Variants in SHOC2 observed in about 807,000 individuals in gnomAD.
The protein encoded by SHOC2 is SHOC2 leucine rich repeat scaffold protein.
A neutral mutation model predicts 50.2 loss-of-function variants in SHOC2; 4 were observed. The observed-to-expected ratio is 0.08, with a 90% CI of 0.04 to 0.18. The LOEUF (loss-of-function observed/expected upper bound fraction) is 0.18, where lower values mean the gene tolerates loss of function less well. Ranked by LOEUF, SHOC2 falls within the 10% of genes least tolerant of loss-of-function variation. The probability of loss-of-function intolerance (pLI) is 1.00; values close to 1 mark genes in which losing one functional copy is unlikely to be tolerated. For missense variants in SHOC2, 388 were observed against 669.6 expected, an observed-to-expected ratio of 0.58 and a Z score of 4.64; for synonymous variants, 218 against 244.5, an observed-to-expected ratio of 0.89 and a Z score of 1.01.
At chr10:110,923,796 A>G (rs936472919) in intron 1 of SHOC2, among the ~76,000 whole-genome samples, 5 of 152,326 alleles carry the variant, frequency 3.3e-5, no homozygotes, top group Admixed American at 3.3e-4. Flanking sequence ...TTATTTGTGC[A>G]TGACTATCTT....
In SHOC2 at chr10:110,967,058, ACAT is replaced by A. The variant is rs533438045; in HGVS notation, c.703+2001_703+2003del. 7.6e-4 allele frequency among the ~76,000 whole-genome samples: 116 copies of A among 152,300 alleles called. 2 individuals are homozygous for A. In the East Asian group the frequency reaches 0.021, roughly 28 times the overall value. The stretch of plus-strand genomic sequence containing the variant: ...AAGAAAATAAAGGTTAGTAAAAATA[ACAT>A]CATAATAATAAGGATGGCTGTTGTT... On this transcript the variant is annotated intron_variant, in intron 2 of 8. Transcript: ENST00000369452.
intron 1 of SHOC2, among the ~76,000 whole-genome samples, chr10:110,936,071 A>T (rs1564703644): frequency 1.3e-5 from 2 of 149,884 alleles, no homozygotes; most frequent in South Asian, 4.2e-4. Context: ...TAAATTCTTG[A>T]GTACTCTAGA....
chr10:110,938,313 A>G (rs897666294), intron 1 of SHOC2, among the ~76,000 whole-genome samples: 74 of 152,174 alleles, frequency 4.9e-4, no homozygotes, highest in African/African-American at 1.7e-3. Flanking sequence ...GACTGACTGT[A>G]TATTTCTTAG....
intron 1 of SHOC2, among the ~76,000 whole-genome samples, chr10:110,949,302 C>T (rs1464517244): frequency 1.3e-5 from 2 of 152,050 alleles, no homozygotes. Flanking sequence ...TAATAAGAGA[C>T]TACAATGAAT....
rs772553111 is a variant in SHOC2 at position 110,930,735 on chromosome 10, C to CTTTTTTTTTTTTTTTTTTTTTTT, written c.-235+11093_-235+11094insTTTTTTTTTTTTTTTTTTTTTTT. ...TTTAAGCAAATATTCACGAGTAAAT[C>CTTTTTTTTTTTTTTTTTTTTTTT]TTTTTTTTTTTTTTTGGTAGTGTTT... On this transcript the variant is annotated intron_variant, in intron 1 of 8. Transcript: ENST00000369452. Among the ~76,000 whole-genome samples the CTTTTTTTTTTTTTTTTTTTTTTT allele has an allele frequency of 1.1e-4, 11 of 96,796 alleles. 1 individual carries two copies. Among genetic ancestry groups the CTTTTTTTTTTTTTTTTTTTTTTT allele is most frequent in the Middle Eastern group, 6.8e-3 (1 of 148 alleles). 63.5% of individuals were successfully genotyped at this position (96,796 alleles called of 152,430 possible). A position where few individuals can be genotyped will look rare whatever the true frequency, so the allele number is the denominator to read the frequency against.
rs1466115990 is a variant in SHOC2 at position 111,013,057 on chromosome 10, C to G, written c.*1239C>G. On this transcript the variant is annotated 3_prime_UTR_variant, in exon 9 of 9. Transcript: ENST00000369452. ...TTTCCTTTCTTGGTAGTTGTTAATA[C>G]AGTTATGGAAAAGAGGCACATTGCA... is the stretch of plus-strand genomic sequence containing the variant. The G allele has an allele frequency of 6.6e-6, 1 of 152,572 alleles. No individual in the cohort carries two copies. Among genetic ancestry groups the G allele is most frequent in the Non-Finnish European group, 1.5e-5 (1 of 68,016 alleles). 9.5% of individuals were successfully genotyped at this position (152,572 alleles called of 1,614,324 possible). A position where few individuals can be genotyped will look rare whatever the true frequency, so the allele number is the denominator to read the frequency against.
intron 3 of SHOC2, among the ~76,000 whole-genome samples, chr10:110,990,667 G>C (rs1441707972): frequency 6.6e-6 from 1 of 152,020 alleles, no homozygotes; most frequent in African/African-American, 2.4e-5. Flanking sequence ...GCCGGAGCCA[G>C]CATTGGCAAC....
At chr10:111,009,514 T>G in intron 7 of SHOC2, 129 bp downstream of exon 7, 1 of 901,164 alleles carries the variant, frequency 1.1e-6, no homozygotes, top group South Asian at 1.6e-5. Flanking sequence ...TAGGGCTGAG[T>G]TTTATGTTCA....
At chr10:110,975,600 T>C (rs906997194) in intron 2 of SHOC2, among the ~76,000 whole-genome samples, 6 of 151,640 alleles carry the variant, frequency 4.0e-5, no homozygotes, top group African/African-American at 1.5e-4. Flanking sequence ...TTCCTTTGTT[T>C]AATTTTTTTT....
rs1846567076 is a variant in SHOC2, at chr10:110,919,666, G to A, written c.-235+9G>A. ...AGTCGGGGCTCCTGACGGTAACTCG[G>A]GGCCGATGAGGCGGAGGGTGTCTGT... On this transcript the variant is annotated intron_variant, in intron 1 of 8. Transcript: ENST00000369452. 1.3e-5 allele frequency: 5 copies of A among 398,736 alleles called. No homozygotes were observed. Among genetic ancestry groups the A allele is most frequent in the Admixed American group, 4.4e-5 (1 of 22,706 alleles). 24.7% of individuals were successfully genotyped at this position (398,736 alleles called of 1,614,324 possible).
At chr10:111,009,660 A>T in intron 7 of SHOC2, 53 bp from the exon 8 acceptor site, 1 of 1,123,928 alleles carries the variant, frequency 8.9e-7, no homozygotes. Flanking sequence ...TTCAGTTTAC[A>T]TTAAATGTAG....
chr10:111,000,973 T>TTAAA (rs1848360187), intron 4 of SHOC2, among the ~76,000 whole-genome samples: 1 of 151,852 alleles, frequency 6.6e-6, no homozygotes, highest in African/African-American at 2.4e-5. Flanking sequence ...AAAATTAATA[T>TTAAA]TAGCAGCAAT....
chr10:110,986,363 GC>G (rs1366251180), intron 3 of SHOC2, among the ~76,000 whole-genome samples: 3 of 152,052 alleles, frequency 2.0e-5, no homozygotes, highest in Non-Finnish European at 4.4e-5. Context: ...AAATTCTGAT[GC>G]CTTTTTAGTT....
intron 1 of SHOC2, chr10:110,936,643 C>G (rs1250367476): frequency 1.4e-6 from 1 of 726,346 alleles, no homozygotes; most frequent in Non-Finnish European, 2.2e-6. Flanking sequence ...GTCCGTGGGT[C>G]TTGAGGACCT....
intron 1 of SHOC2, among the ~76,000 whole-genome samples, chr10:110,935,989 A>T (rs1846999552): frequency 6.6e-6 from 1 of 152,160 alleles, no homozygotes; most frequent in Admixed American, 6.5e-5. Context: ...CTTTATCATC[A>T]AGTATTTTCT....
chr10:111,000,385 A>G (rs759510042), intron 3 of SHOC2, 30 bp from the exon 4 acceptor site: 3 of 1,612,042 alleles, frequency 1.9e-6, no homozygotes, highest in Non-Finnish European at 2.5e-6. Flanking sequence ...TTTGTAAAAA[A>G]TAAATTTCTT....
Position 110,987,803 on chromosome 10 carries a change from A to G in SHOC2, c.841+2038A>G, listed in dbSNP as rs541388750. On this transcript the variant is annotated intron_variant, in intron 3 of 8. Coordinates refer to ENST00000369452, the MANE Select transcript of SHOC2 (RefSeq NM_007373.4). ...GGCTGATACAAAAAGGGAACAAAGA[A>G]TAAAATACAATTCTTAGAGATATGT... 2.0e-5 allele frequency among the ~76,000 whole-genome samples: 3 copies of G among 152,306 alleles called. No individual in the cohort carries two copies. In the South Asian group the frequency reaches 6.2e-4, roughly 32 times the overall value.
chr10:111,003,320 C>G lies in SHOC2; in HGVS notation c.973-1286C>G, dbSNP rs565468931. On this transcript the variant is annotated intron_variant, in intron 4 of 8. Transcript: ENST00000369452. Reference sequence around the variant, plus strand: ...TTGCTTCTCCCTGCTTGTGCTTTTACTTTGAATCTAGAGTGTTTCTTCTAT... The same window carrying G: ...TTGCTTCTCCCTGCTTGTGCTTTTAGTTTGAATCTAGAGTGTTTCTTCTAT... Among the ~76,000 whole-genome samples, 3 of 152,256 alleles carry G rather than the reference C, an allele frequency of 2.0e-5. No homozygotes were observed. The South Asian group carries it at 6.2e-4, about 32-fold the overall frequency.
chr10:110,998,742 A>G (rs1236798940), intron 3 of SHOC2, among the ~76,000 whole-genome samples: 3 of 152,146 alleles, frequency 2.0e-5, no homozygotes, highest in African/African-American at 4.8e-5. Flanking sequence ...AATTATGAGT[A>G]TTTTTTTATT....
Sources: gnomAD v4.1 joint callset for allele counts (sites outside exome capture counted in the v4.1 genomes callset) on GRCh38, gnomAD v4.1.1 for gene constraint, MANE v1.5 for transcripts, NCBI Gene and HGNC (gene_info 2026-07-23, HGNC 2026-07-21) for gene names.